PPP2R2B: variants seen among roughly 807,000 people sequenced by gnomAD.
The protein encoded by PPP2R2B is protein phosphatase 2 regulatory subunit Bbeta.
In PPP2R2B, 5 loss-of-function variants were observed where a neutral mutation model predicts 46.0. That is an observed-to-expected ratio of 0.11 (90% CI 0.06 to 0.23). The LOEUF is 0.23. Ranked by LOEUF, PPP2R2B falls within the 10% of genes least tolerant of loss-of-function variation. The pLI, the probability that PPP2R2B is intolerant of heterozygous loss-of-function variation, is 1.00. For missense variants in PPP2R2B, 367 were observed against 575.0 expected, an observed-to-expected ratio of 0.64 and a Z score of 3.70; for synonymous variants, 215 against 206.7, an observed-to-expected ratio of 1.04 and a Z score of -0.34.
At chr5:146,998,188 G>A (rs1202568348) in intron 1 of PPP2R2B, among the ~76,000 whole-genome samples, 1 of 152,214 alleles carries the variant, frequency 6.6e-6, no homozygotes, top group Non-Finnish European at 1.5e-5. Context: ...AAAAGAAAAT[G>A]TGTTTTGTTG....
chr5:146,643,732 C>G (rs1775384685), intron 6 of PPP2R2B, among the ~76,000 whole-genome samples: 1 of 152,054 alleles, frequency 6.6e-6, no homozygotes, highest in Admixed American at 6.5e-5. Flanking sequence ...TTCCTTAAAA[C>G]CTGTGGAAAT....
At chr5:146,821,918 A>G (rs1397090541) in intron 2 of PPP2R2B, among the ~76,000 whole-genome samples, 1 of 152,214 alleles carries the variant, frequency 6.6e-6, no homozygotes, top group Non-Finnish European at 1.5e-5. Flanking sequence ...ATTCATATTC[A>G]CATTTTACCA....
intron 2 of PPP2R2B, among the ~76,000 whole-genome samples, chr5:146,844,453 CT>C (rs1399035746): frequency 2.0e-5 from 3 of 152,072 alleles, no homozygotes; most frequent in Admixed American, 6.5e-5. Flanking sequence ...GATTCTTGCT[CT>C]TTCTCCACCT....
intron 5 of PPP2R2B, among the ~76,000 whole-genome samples, chr5:146,654,210 C>A (rs1168577535): frequency 1.3e-5 from 2 of 152,164 alleles, no homozygotes; most frequent in African/African-American, 4.8e-5. Flanking sequence ...TCTCCTCCAG[C>A]GCCCTCAGTA....
intron 1 of PPP2R2B, among the ~76,000 whole-genome samples, chr5:146,934,015 C>A (rs575938404): frequency 9.4e-4 from 143 of 152,142 alleles, no homozygotes; most frequent in African/African-American, 3.2e-3. Flanking sequence ...ATGAACTCAT[C>A]GTTTTTTATG....
chr5:146,828,019 GAGAGAC>G lies in PPP2R2B; in HGVS notation c.70+49977_70+49982del, dbSNP rs1303969199. 9.6e-5 allele frequency among the ~76,000 whole-genome samples: 14 copies of G among 145,452 alleles called. No individual in the cohort carries two copies. The East Asian group carries it at 1.4e-3, about 14-fold the overall frequency. ...AGTTGAAGAGAGAGAGAGAGAGAGAGAGAGACAGAGACAGAGACAGAGACAGACAAT... is the reference window on the plus strand; with the variant it reads ...AGTTGAAGAGAGAGAGAGAGAGAGAGAGAGACAGAGACAGAGACAGACAAT... On this transcript the variant is annotated intron_variant, in intron 2 of 9. Transcript: ENST00000394411.
chr5:147,079,445 CATATATATATAT>C (rs58393815), intron 2 of PPP2R2B, among the ~76,000 whole-genome samples: 3 of 132,304 alleles, frequency 2.3e-5, no homozygotes, highest in African/African-American at 8.4e-5. Context: ...TATATATATA[CATATATATATAT>C]ATATATATAT....
At chr5:146,600,791 T>TA (rs1378450760) in intron 7 of PPP2R2B, among the ~76,000 whole-genome samples, 2 of 152,194 alleles carry the variant, frequency 1.3e-5, no homozygotes, top group African/African-American at 4.8e-5. Context: ...TTAAGATAGT[T>TA]AAAAAAATTT....
chr5:146,681,081 G>A (rs895718416), intron 5 of PPP2R2B, among the ~76,000 whole-genome samples: 6 of 152,160 alleles, frequency 3.9e-5, no homozygotes, highest in Non-Finnish European at 5.9e-5. Context: ...ATCAGTCGAA[G>A]CCCGGCTTGC....
chr5:146,954,060 TA>T (rs1303532160), intron 1 of PPP2R2B, among the ~76,000 whole-genome samples: 65 of 151,800 alleles, frequency 4.3e-4, no homozygotes, highest in African/African-American at 1.5e-3. Flanking sequence ...ATTTTCCCTA[TA>T]AATACCACAT....
At chr5:147,019,411 T>C (rs972125515) in intron 1 of PPP2R2B, among the ~76,000 whole-genome samples, 1 of 152,082 alleles carries the variant, frequency 6.6e-6, no homozygotes, top group Non-Finnish European at 1.5e-5. Context: ...TTGCAATTTA[T>C]TAGTACCAAA....
chr5:146,841,191 T>C (rs1215183003), intron 2 of PPP2R2B, among the ~76,000 whole-genome samples: 1 of 152,198 alleles, frequency 6.6e-6, no homozygotes, highest in African/African-American at 2.4e-5. Flanking sequence ...AAGCCAGCTA[T>C]AATAATGCCT....
chr5:146,984,897 G>A (rs1753349723), intron 1 of PPP2R2B, among the ~76,000 whole-genome samples: 1 of 151,564 alleles, frequency 6.6e-6, no homozygotes, highest in Non-Finnish European at 1.5e-5. Context: ...GTCTATTCAG[G>A]TCCCTTGCTC....
chr5:146,671,802 A>C (rs1410535940), intron 5 of PPP2R2B, among the ~76,000 whole-genome samples: 1 of 152,176 alleles, frequency 6.6e-6, no homozygotes, highest in Non-Finnish European at 1.5e-5. Flanking sequence ...ATTGCTATTT[A>C]AATCCCATTT....
At chr5:146,639,201 A>G (rs1324524172) in intron 6 of PPP2R2B, among the ~76,000 whole-genome samples, 1 of 152,136 alleles carries the variant, frequency 6.6e-6, no homozygotes, top group African/African-American at 2.4e-5. Flanking sequence ...GATATATAAG[A>G]CTTCTAGTCT....
At chr5:146,617,465 T>C (rs769912011) in intron 7 of PPP2R2B, among the ~76,000 whole-genome samples, 2 of 152,176 alleles carry the variant, frequency 1.3e-5, no homozygotes, top group Non-Finnish European at 2.9e-5. Flanking sequence ...AAATATCTCA[T>C]GTACCTCATA....
chr5:146,928,748 A>G lies in PPP2R2B; in HGVS notation c.79+126917T>C, dbSNP rs115301801. Among the ~76,000 whole-genome samples, 456 of 152,322 alleles carry G rather than the reference A, an allele frequency of 3.0e-3. 6 individuals carry two copies. The highest frequency in any genetic ancestry group is 0.01 in the African/African-American group (434 of 41,572). The stretch of plus-strand genomic sequence containing the variant: ...GTAGCCAGAAAGATCATTTTGAAAA[A>G]TGAAGCTGATCATATCAGTTTTCTA... On this transcript the variant is annotated intron_variant, in intron 1 of 8. Coordinates refer to the PPP2R2B transcript ENST00000336640.
rs370603458 is a variant in PPP2R2B, at chr5:146,645,310, G to A, written c.625+5237C>T. ...GAAAGGACATGTTGCTTGATGATGA[G>A]ACACTGGAAATCTCCAAAGAGGACT... is the stretch of plus-strand genomic sequence containing the variant. On this transcript the variant is annotated intron_variant, in intron 6 of 9. Transcript: ENST00000394411. Among the ~76,000 whole-genome samples the A allele has an allele frequency of 7.2e-5, 11 of 152,244 alleles. No individual in the cohort carries two copies. The East Asian group carries it at 1.4e-3, about 19-fold the overall frequency.
intron 1 of PPP2R2B, among the ~76,000 whole-genome samples, chr5:146,921,456 A>C (rs1763605355): frequency 6.6e-6 from 1 of 152,206 alleles, no homozygotes; most frequent in East Asian, 1.9e-4. Context: ...AGCAACTCGC[A>C]TTCCCTAGAG....
Sources: allele counts gnomAD v4.1 joint callset (sites outside exome capture counted in the v4.1 genomes callset), GRCh38; gene constraint gnomAD v4.1.1; transcripts MANE v1.5; gene names NCBI Gene and HGNC (gene_info 2026-07-23, HGNC 2026-07-21).